Variants in NOL7 observed in about 807,000 individuals in gnomAD.
NOL7 encodes the protein nucleolar protein 7, also known as U3 small nucleolar RNA-associated protein NOL7.
NOL7 carries 36 observed loss-of-function variants against 38.4 expected under a neutral mutation model. That is an observed-to-expected ratio of 0.94 (90% CI 0.72 to 1.24). The LOEUF is 1.24. Among genes scored for constraint, NOL7 ranks in the 50% most tolerant of loss-of-function variants. The probability of loss-of-function intolerance (pLI) is 0.00; values close to 1 mark genes in which losing one functional copy is unlikely to be tolerated. For synonymous variants in NOL7, 142 were observed against 126.5 expected (o/e 1.12, Z -0.82); for missense variants, 350 against 315.1 (o/e 1.11, Z -0.84).
chr6:13,628,173 A>G (rs1764675458), intron 8 of NOL7, among the ~76,000 whole-genome samples: 1 of 152,248 alleles, frequency 6.6e-6, no homozygotes, highest in African/African-American at 2.4e-5. Context: ...GGCAGTGAAT[A>G]GTAAGATGCA....
chr6:13,627,630 C>CAAAAAAAAAAAAAAAAAAAAAAA (rs35401168), intron 8 of NOL7, among the ~76,000 whole-genome samples: 2 of 66,406 alleles, frequency 3.0e-5, no homozygotes, highest in Admixed American at 1.7e-4. Context: ...ACTCCATCTC[C>CAAAAAAAAAAAAAAAAAAAAAAA]AAAAAAAAAA....
At chr6:13,626,591 A>C (rs911926587), downstream of NOL7, among the ~76,000 whole-genome samples, 3 of 152,246 alleles carry the variant, frequency 2.0e-5, no homozygotes, top group Non-Finnish European at 4.4e-5. Flanking sequence ...TTATTATGCC[A>C]AAAGTCAATA....
chr6:13,620,570 T>C, intron 7 of NOL7, 85 bp downstream of exon 7: 1 of 1,352,404 alleles, frequency 7.4e-7, no homozygotes, highest in Non-Finnish European at 1.0e-6. Flanking sequence ...ATAATTATAC[T>C]TTTCCCCCTT....
chr6:13,631,010 C>T (rs994159532), intron 8 of NOL7, among the ~76,000 whole-genome samples: 2 of 151,972 alleles, frequency 1.3e-5, no homozygotes, highest in East Asian at 3.9e-4. Context: ...GGGGTTTCAC[C>T]GTGTTAGCAG....
At chr6:13,617,854 C>G (rs1212410370) in intron 4 of NOL7, 53 bp downstream of exon 4, 1 of 1,518,934 alleles carries the variant, frequency 6.6e-7, no homozygotes, top group African/African-American at 1.4e-5. Flanking sequence ...AGTGCACTTG[C>G]AGATGTTTCC....
At chr6:13,628,503 G>A (rs1028962212) in intron 8 of NOL7, among the ~76,000 whole-genome samples, 5 of 152,098 alleles carry the variant, frequency 3.3e-5, no homozygotes, top group South Asian at 2.1e-4. Context: ...AAGGAAATAA[G>A]GTTTTAAATG....
Position 13,621,536 on chromosome 6 carries a change from CACT to C in NOL7, c.*712_*714del, listed in dbSNP as rs1199946311. On this transcript the variant is annotated 3_prime_UTR_variant, in exon 8 of 8. Transcript: ENST00000451315. ...ATTTTTAATGGCTGGTTAATTATATCACTACATTTTATTGCAATATAGTACTCA... is the reference window on the plus strand; with the variant it reads ...ATTTTTAATGGCTGGTTAATTATATCACATTTTATTGCAATATAGTACTCA... 6.6e-6 allele frequency: 1 copy of C among 152,540 alleles called. No homozygotes were observed. The highest frequency in any genetic ancestry group is 1.5e-5 in the Non-Finnish European group (1 of 68,020). The allele number at this position is 152,540 out of a possible 1,614,324, so 9.4% of individuals were successfully genotyped here.
chr6:13,629,913 CTCTCTCTCGTGT>C (rs1351913019), intron 8 of NOL7, among the ~76,000 whole-genome samples: 4 of 125,054 alleles, frequency 3.2e-5, no homozygotes, highest in Admixed American at 7.9e-5. Context: ...CTCTCTCTCT[CTCTCTCTCGTGT>C]GTGTGTGTGT....
Position 13,616,524 on chromosome 6 carries a change from A to C in NOL7, c.386+3A>C, listed in dbSNP as rs1289468630. On this transcript the variant is annotated splice_donor_region_variant and intron_variant, in intron 3 of 7. Coordinates refer to ENST00000451315, the MANE Select transcript of NOL7 (RefSeq NM_016167.5). Reference sequence around the variant, plus strand: ...TTAACCACAGCTTCACAGACTAAGTAAGTAATGGATCTTTTTATATTACTT... The same window carrying C: ...TTAACCACAGCTTCACAGACTAAGTCAGTAATGGATCTTTTTATATTACTT... The C allele has an allele frequency of 5.0e-6, 8 of 1,594,000 alleles. No homozygotes were observed. The Admixed American group carries it at 5.1e-5, about 10-fold the overall frequency.
chr6:13,622,111 A>G (rs1764465733), downstream of NOL7: 2 of 267,136 alleles, frequency 7.5e-6, no homozygotes, highest in Non-Finnish European at 1.4e-5. Context: ...TGTGATGATC[A>G]ATTTGAACGT....
intron 5 of NOL7, among the ~76,000 whole-genome samples, chr6:13,619,884 C>T (rs1272094943): frequency 3.3e-5 from 5 of 152,164 alleles, no homozygotes; most frequent in Non-Finnish European, 4.4e-5. Flanking sequence ...AGCCTGGGCA[C>T]GGTGGCTCAT....
chr6:13,615,550 G>A lies in NOL7; in HGVS notation c.192G>A (p.Pro64=), dbSNP rs978188317. 2 of 1,561,692 alleles carry A rather than the reference G, an allele frequency of 1.3e-6. No homozygotes were observed. Among genetic ancestry groups the A allele is most frequent in the African/African-American group, 1.4e-5 (1 of 73,666 alleles). ...ACGATGAGTTTGACGATGAGGCCCC[G>A]GAGGAGCTGACTTTCGCCAGCGCCC... ...EGDDEFDDEA[P]EELTFASAQA... The change falls in exon 1 of 8, where the codon CCG becomes CCA. Residue 64 remains proline, a synonymous_variant. Coordinates refer to ENST00000451315, the MANE Select transcript of NOL7 (RefSeq NM_016167.5).
chr6:13,620,731 C>A, intron 7 of NOL7, 23 bp from the exon 8 acceptor site: 3 of 1,477,132 alleles, frequency 2.0e-6, no homozygotes, highest in South Asian at 1.2e-5. Context: ...AATATACTTA[C>A]TGCAGAAAAC....
rs1449159444 is a variant in NOL7 at position 13,620,485 on chromosome 6, G to A, written c.700G>A (p.Gly234Arg). The A allele has an allele frequency of 1.2e-6, 2 of 1,612,756 alleles. No homozygotes were observed. Among genetic ancestry groups the A allele is most frequent in the African/African-American group, 1.3e-5 (1 of 74,878 alleles). The change falls in exon 7 of 8, where the codon GGA becomes AGA. Residue 234 changes from glycine to arginine, a missense_variant and splice_region_variant. Physicochemically the swap from Gly to Arg is moderately radical, Grantham distance 125. Coordinates refer to ENST00000451315, the MANE Select transcript of NOL7 (RefSeq NM_016167.5). ...AAVQFLNNAW[G>R]IQKKQNAKRF... Reference sequence around the variant, plus strand: ...TGTCCAGTTTTTGAATAATGCTTGGGGTAAGATCCAGCTTTATTCTCCTGT... The same window carrying A: ...TGTCCAGTTTTTGAATAATGCTTGGAGTAAGATCCAGCTTTATTCTCCTGT...
intron 5 of NOL7, 124 bp from the exon 6 acceptor site, chr6:13,620,084 G>A (rs1209482328): frequency 9.6e-6 from 10 of 1,042,902 alleles, no homozygotes; most frequent in Non-Finnish European, 1.2e-5. Flanking sequence ...AACCTGGGAG[G>A]CAGAAGTTGC....
At chr6:13,622,143 C>A, downstream of NOL7, 7 of 316,562 alleles carry the variant, frequency 2.2e-5, no homozygotes, top group East Asian at 5.9e-5. Flanking sequence ...TAATATTTAA[C>A]TCTTAGACAA....
chr6:13,624,238 CA>C (rs1764536733), downstream of NOL7, among the ~76,000 whole-genome samples: 1 of 152,184 alleles, frequency 6.6e-6, no homozygotes, highest in Admixed American at 6.5e-5. Flanking sequence ...TTTCTAAGGG[CA>C]AAGAAACAGA....
Position 13,615,459 on chromosome 6 carries a change from G to C in NOL7, c.101G>C (p.Gly34Ala). 6.4e-7 allele frequency: 1 copy of C among 1,550,706 alleles called. No individual in the cohort carries two copies. The highest frequency in any genetic ancestry group is 1.2e-5 in the South Asian group (1 of 84,076). The part of the protein sequence containing the change: ...LASEEEEAEH[G>A]LLLGQPSSGA... ...TCGGAGGAGGAGGAGGCGGAGCACG[G>C]GCTGTTGCTCGGGCAGCCCAGCAGC... The change falls in exon 1 of 8, where the codon GGG becomes GCG. Residue 34 changes from glycine (G) to alanine (A), a missense_variant. Physicochemically the swap from Gly to Ala is moderately conservative, Grantham distance 60. Transcript: ENST00000451315.
chr6:13,626,099 A>G (rs558600905), downstream of NOL7, among the ~76,000 whole-genome samples: 57 of 152,268 alleles, frequency 3.7e-4, no homozygotes, highest in Middle Eastern at 3.4e-3. Flanking sequence ...TTACTTCACA[A>G]TTTATTACTA....
Sources: allele counts gnomAD v4.1 joint callset (sites outside exome capture counted in the v4.1 genomes callset), GRCh38; gene constraint gnomAD v4.1.1; transcripts MANE v1.5; gene names NCBI Gene and HGNC (gene_info 2026-07-23, HGNC 2026-07-21).